DLGAP2: variants seen among roughly 807,000 people sequenced by gnomAD.
DLGAP2 encodes the protein DLG associated protein 2, also known as disks large-associated protein 2.
In DLGAP2, 26 loss-of-function variants were observed where a neutral mutation model predicts 100.3. The observed-to-expected ratio is 0.26, with a 90% CI of 0.19 to 0.36. DLGAP2 has a LOEUF of 0.36. Among genes scored for constraint, DLGAP2 ranks in the 10% least tolerant of loss-of-function variants. The pLI, the probability that DLGAP2 is intolerant of heterozygous loss-of-function variation, is 1.00. For missense variants in DLGAP2, 1,858 were observed against 1,453.2 expected, an observed-to-expected ratio of 1.28 and a Z score of -4.53; for synonymous variants, 886 against 630.1, an observed-to-expected ratio of 1.41 and a Z score of -6.08.
intron 2 of DLGAP2, chr8:1,250,632 G>C (rs568924774): frequency 1.3e-5 from 2 of 152,154 alleles, no homozygotes; most frequent in East Asian, 3.9e-4. Context: ...TTCCCTCCCT[G>C]TCTGTGCATC....
At position 1,436,475 on chromosome 8, in the gene DLGAP2, C is replaced by T. The variant is rs1384333443; in HGVS notation, c.107-64891C>T. ...CAGACTGAGGGTGGGTCTGCCTCTC[C>T]CAGCCCACTGACTCCAGTGTTAATC... On this transcript the variant is annotated intron_variant, in intron 3 of 14. Coordinates refer to ENST00000637795, the MANE Select transcript of DLGAP2 (RefSeq NM_001346810.2). 7.2e-5 allele frequency among the ~76,000 whole-genome samples: 11 copies of T among 152,260 alleles called. No individual in the cohort carries two copies. The East Asian group carries it at 2.1e-3, about 29-fold the overall frequency.
intron 2 of DLGAP2, among the ~76,000 whole-genome samples, chr8:1,208,426 A>G (rs539680763): frequency 2.0e-5 from 3 of 152,374 alleles, no homozygotes; most frequent in South Asian, 2.1e-4. Context: ...AAAATCCAGC[A>G]TCACTTTATG....
At chr8:1,278,043 A>G (rs186494433) in intron 3 of DLGAP2, among the ~76,000 whole-genome samples, 27 of 152,306 alleles carry the variant, frequency 1.8e-4, no homozygotes, top group African/African-American at 4.8e-4. Context: ...GCTTCTCAGT[A>G]GTCTCTTGCA....
chr8:820,578 C>G (rs887366501), intron 1 of DLGAP2, among the ~76,000 whole-genome samples: 1 of 152,112 alleles, frequency 6.6e-6, no homozygotes, highest in East Asian at 1.9e-4. Context: ...TCCCCAGACT[C>G]TAGGAAAACA....
intron 3 of DLGAP2, among the ~76,000 whole-genome samples, chr8:1,388,735 A>G (rs1796277982): frequency 9.2e-6 from 1 of 108,748 alleles, no homozygotes; most frequent in Admixed American, 9.1e-5. Context: ...GCGCTGGTTC[A>G]GGTGTCAGGG....
chr8:1,353,088 C>A (rs1801772005), intron 3 of DLGAP2, among the ~76,000 whole-genome samples: 1 of 151,936 alleles, frequency 6.6e-6, no homozygotes, highest in Non-Finnish European at 1.5e-5. Context: ...CGACGAAGGA[C>A]CCCCCCGAGG....
chr8:1,564,912 T>A (rs1802335699), intron 5 of DLGAP2, among the ~76,000 whole-genome samples: 1 of 151,986 alleles, frequency 6.6e-6, no homozygotes, highest in African/African-American at 2.4e-5. Context: ...GGCAGACATA[T>A]AACATGCGTG....
At chr8:972,507 T>C (rs184150290) in intron 2 of DLGAP2, among the ~76,000 whole-genome samples, 47 of 152,350 alleles carry the variant, frequency 3.1e-4, no homozygotes, top group Admixed American at 9.8e-4. Context: ...ACAAATGCTT[T>C]TGATGGTCTA....
chr8:1,178,264 G>A (rs1470174693), intron 2 of DLGAP2, among the ~76,000 whole-genome samples: 2 of 152,218 alleles, frequency 1.3e-5, no homozygotes, highest in Non-Finnish European at 2.9e-5. Flanking sequence ...GCATTTGGTG[G>A]GTGAGGTTAG....
At chr8:1,546,355 C>T (rs530144822) in intron 4 of DLGAP2, among the ~76,000 whole-genome samples, 2 of 152,204 alleles carry the variant, frequency 1.3e-5, no homozygotes, top group African/African-American at 4.8e-5. Flanking sequence ...CTGTCAGTCT[C>T]TCGGGATCCC....
At chr8:1,569,712 T>G (rs1035873038) in intron 6 of DLGAP2, among the ~76,000 whole-genome samples, 1 of 152,232 alleles carries the variant, frequency 6.6e-6, no homozygotes. Context: ...GGAAATGAGG[T>G]GCTGGAGGCT....
At chr8:1,547,814 C>A (rs1256630623) in intron 4 of DLGAP2, among the ~76,000 whole-genome samples, 1 of 152,156 alleles carries the variant, frequency 6.6e-6, no homozygotes, top group African/African-American at 2.4e-5. Flanking sequence ...GGCACAGCTG[C>A]CCCCACACAG....
intron 2 of DLGAP2, among the ~76,000 whole-genome samples, chr8:1,000,787 G>A (rs1359925773): frequency 6.6e-6 from 1 of 152,158 alleles, no homozygotes; most frequent in Non-Finnish European, 1.5e-5. Context: ...GTGTGGAGGT[G>A]GCTCCTCAAG....
Position 1,420,952 on chromosome 8 carries a change from C to G in DLGAP2, c.107-80414C>G, listed in dbSNP as rs370752855. On this transcript the variant is annotated intron_variant, in intron 3 of 14. Coordinates refer to ENST00000637795, the MANE Select transcript of DLGAP2 (RefSeq NM_001346810.2). Reference sequence around the variant, plus strand: ...AATCATTCGATTGGCTGTTTTGAGGCTGTACTGAATGTTGCTTCCCAAAGA... The same window carrying G: ...AATCATTCGATTGGCTGTTTTGAGGGTGTACTGAATGTTGCTTCCCAAAGA... 8.1e-4 allele frequency among the ~76,000 whole-genome samples: 123 copies of G among 152,312 alleles called. 3 individuals carry two copies. The South Asian group carries it at 0.024, about 30-fold the overall frequency.
intron 2 of DLGAP2, among the ~76,000 whole-genome samples, chr8:1,249,675 A>G (rs149418136): frequency 2.2e-3 from 336 of 152,296 alleles, no homozygotes; most frequent in African/African-American, 7.7e-3. Flanking sequence ...GCTGTCATGG[A>G]GCTGGTGAGA....
chr8:853,969 A>G (rs769587528), intron 1 of DLGAP2, among the ~76,000 whole-genome samples: 13 of 152,046 alleles, frequency 8.6e-5, no homozygotes, highest in African/African-American at 3.1e-4. Context: ...TTTAAAAGGG[A>G]CCTGAGAGAG....
chr8:997,951 T>C (rs1584958275), intron 2 of DLGAP2, among the ~76,000 whole-genome samples: 1 of 140,152 alleles, frequency 7.1e-6, no homozygotes, highest in East Asian at 2.1e-4. Flanking sequence ...GACAAACACA[T>C]CACACATGCA....
chr8:1,469,073 C>T (rs149580494), intron 3 of DLGAP2, among the ~76,000 whole-genome samples: 2 of 151,994 alleles, frequency 1.3e-5, no homozygotes, highest in Non-Finnish European at 2.9e-5. Context: ...CAGTTCAACG[C>T]ATGACATGTC....
chr8:901,580 G>A (rs992887544), intron 1 of DLGAP2, among the ~76,000 whole-genome samples: 10 of 152,290 alleles, frequency 6.6e-5, no homozygotes, highest in Non-Finnish European at 8.8e-5. Flanking sequence ...TATTCTGAGG[G>A]CTTGAGAAAT....
Sources: allele counts gnomAD v4.1 joint callset (sites outside exome capture counted in the v4.1 genomes callset), GRCh38; gene constraint gnomAD v4.1.1; transcripts MANE v1.5; gene names NCBI Gene and HGNC (gene_info 2026-07-23, HGNC 2026-07-21).